SH2B2: variants seen among roughly 807,000 people sequenced by gnomAD.
SH2B2 encodes SH2B adapter protein 2.
In SH2B2, 37 loss-of-function variants were observed where a neutral mutation model predicts 35.7. The observed-to-expected ratio is 1.04, with a 90% CI of 0.80 to 1.36. SH2B2 has a LOEUF of 1.36. Among genes scored for constraint, SH2B2 ranks in the 40% most tolerant of loss-of-function variants. SH2B2 has a pLI of 0.00. For missense variants in SH2B2, 852 were observed against 817.7 expected, an observed-to-expected ratio of 1.04 and a Z score of -0.51; for synonymous variants, 383 against 376.4, an observed-to-expected ratio of 1.02 and a Z score of -0.20.
Position 102,314,616 on chromosome 7 carries a change from C to T in SH2B2, c.1120C>T (p.Pro374Ser). The T allele has an allele frequency of 2.5e-6, 1 of 398,658 alleles. No homozygotes were observed. The allele number at this position is 398,658 out of a possible 1,614,324, so 24.7% of individuals were successfully genotyped here. The change falls in exon 6 of 9, where the codon CCG (proline) becomes TCG (serine). Residue 374 changes from proline to serine, a missense_variant. Physicochemically the swap from Pro to Ser is moderately conservative, Grantham distance 74. Around this residue, in one of 3 missense-constraint regions of SH2B2, gnomAD observed 556 missense variants for 514.5 expected, o/e 1.08. Coordinates refer to ENST00000444095, the MANE Select transcript of SH2B2 (RefSeq NM_001359228.2). ...CGTCAGAGAATCCCTGATCCACGTCCCGCTAGAGACCTTTCTGCAGACCCT... is the reference window on the plus strand; with the variant it reads ...CGTCAGAGAATCCCTGATCCACGTCTCGCTAGAGACCTTTCTGCAGACCCT... The part of the protein sequence containing the change: ...DAVRESLIHV[P>S]LETFLQTLES...
chr7:102,317,463 C>T lies in SH2B2; in HGVS notation c.1395+68C>T, dbSNP rs191801742. 221 of 1,375,480 alleles carry T rather than the reference C, an allele frequency of 1.6e-4. No individual in the cohort carries two copies. The African/African-American group carries it at 1.7e-3, about 10-fold the overall frequency. The allele number at this position is 1,375,480 out of a possible 1,614,324, so 85.2% of individuals were successfully genotyped here. A position where few individuals can be genotyped will look rare whatever the true frequency, so the allele number is the denominator to read the frequency against. Reference sequence around the variant, plus strand: ...TGAGGGAGAGGGGTCATGGTGACCCCGGTCCTGAGGCTGTGCCCTGGAAGC... The same window carrying T: ...TGAGGGAGAGGGGTCATGGTGACCCTGGTCCTGAGGCTGTGCCCTGGAAGC... On this transcript the variant is annotated intron_variant, in intron 7 of 8. Transcript: ENST00000444095.
intron 4 of SH2B2, among the ~76,000 whole-genome samples, chr7:102,311,577 T>A (rs1192727515): frequency 0.63 from 86,073 of 135,758 alleles, 27,177 homozygotes; most frequent in East Asian, 0.68. Context: ...TTTTTTTTTT[T>A]AGAGACGGGA....
Position 102,321,377 on chromosome 7 carries a change from G to A in SH2B2, c.1646G>A (p.Ser549Asn), listed in dbSNP as rs1554558503. 4 of 1,398,348 alleles carry A rather than the reference G, an allele frequency of 2.9e-6. No homozygotes were observed. The highest frequency in any genetic ancestry group is 1.5e-5 in the South Asian group (1 of 67,970). 86.6% of individuals were successfully genotyped at this position (1,398,348 alleles called of 1,614,324 possible). The stretch of plus-strand genomic sequence containing the variant: ...TCGCCCGGCCAGCACTACTTCTCCA[G>A]CCTCGCCGCGGCCGCCTGCCCGCCT... ...SDSPGQHYFSSLAAAACPPAS... is the reference protein window; with the variant it reads ...SDSPGQHYFSNLAAAACPPAS... The change falls in exon 9 of 9, where the codon AGC (serine) becomes AAC (asparagine). Residue 549 changes from serine (S) to asparagine (N), a missense_variant. This residue lies in a region of SH2B2 where 556 missense variants were observed against 514.5 expected (regional missense o/e 1.08). Coordinates refer to ENST00000444095, the MANE Select transcript of SH2B2 (RefSeq NM_001359228.2).
intron 1 of SH2B2, among the ~76,000 whole-genome samples, chr7:102,292,424 G>A (rs2242579): frequency 0.17 from 25,916 of 151,696 alleles, 2,394 homozygotes; most frequent in African/African-American, 0.25. Flanking sequence ...CCAGCTACTC[G>A]GGAGGCTGAG....
At chr7:102,320,936 T>G (rs1344114707) in intron 8 of SH2B2, among the ~76,000 whole-genome samples, 2 of 152,136 alleles carry the variant, frequency 1.3e-5, no homozygotes, top group Non-Finnish European at 2.9e-5. Flanking sequence ...TGAGTGTATG[T>G]GTGCATGTGC....
chr7:102,310,860 G>A (rs1315478404), intron 4 of SH2B2, among the ~76,000 whole-genome samples: 1 of 152,094 alleles, frequency 6.6e-6, no homozygotes, highest in African/African-American at 2.4e-5. Context: ...CACAAATCGG[G>A]AGAGAAACCT....
At chr7:102,287,566 G>T (rs1197787857) in intron 1 of SH2B2, among the ~76,000 whole-genome samples, 2 of 152,184 alleles carry the variant, frequency 1.3e-5, no homozygotes, top group East Asian at 3.9e-4. Flanking sequence ...CCACAGGCAC[G>T]CCCTCCCTTT....
rs782522258 is a variant in SH2B2 at position 102,300,872 on chromosome 7, A to G, written c.322A>G (p.Lys108Glu). The G allele has an allele frequency of 6.8e-7, 1 of 1,461,446 alleles. No homozygotes were observed. Among genetic ancestry groups the G allele is most frequent in the South Asian group, 1.4e-5 (1 of 72,766 alleles). The allele number at this position is 1,461,446 out of a possible 1,614,324, so 90.5% of individuals were successfully genotyped here. The change falls in exon 2 of 9, where the codon AAG becomes GAG. Residue 108 changes from lysine (K) to glutamate (E), a missense_variant. Around this residue, in one of 3 missense-constraint regions of SH2B2, gnomAD observed 294 missense variants for 286.6 expected, o/e 1.03. Transcript: ENST00000444095. Reference protein sequence around the residue: ...EPELADTSALKAAPYGHSRSS... With the variant: ...EPELADTSALEAAPYGHSRSS... Reference sequence around the variant, plus strand: ...GGAGCTCGCGGACACCTCTGCACTCAAGGCGGCGCCCTACGGCCACTCGCG... The same window carrying G: ...GGAGCTCGCGGACACCTCTGCACTCGAGGCGGCGCCCTACGGCCACTCGCG...
At chr7:102,299,448 C>T (rs1793062687) in intron 1 of SH2B2, among the ~76,000 whole-genome samples, 1 of 151,678 alleles carries the variant, frequency 6.6e-6, no homozygotes, top group African/African-American at 2.4e-5. Context: ...CCACCCGCCT[C>T]GGCCTCCCAA....
chr7:102,300,609 T>C lies in SH2B2; in HGVS notation c.59T>C (p.Val20Ala). 2 of 1,551,008 alleles carry C rather than the reference T, an allele frequency of 1.3e-6. No homozygotes were observed. Among genetic ancestry groups the C allele is most frequent in the Non-Finnish European group, 1.7e-6 (2 of 1,146,394 alleles). The change falls in exon 2 of 9, where the codon GTC (valine) becomes GCC (alanine). Residue 20 changes from valine (V) to alanine (A), a missense_variant. Val to Ala is a moderately conservative substitution (Grantham distance 64). Coordinates refer to ENST00000444095, the MANE Select transcript of SH2B2 (RefSeq NM_001359228.2). Reference protein sequence around the residue: ...AAAPVPVPVPVPDWRQFCELH... With the variant: ...AAAPVPVPVPAPDWRQFCELH... The stretch of plus-strand genomic sequence containing the variant: ...GCCCCGGTCCCAGTCCCGGTCCCGG[T>C]CCCGGACTGGCGGCAGTTCTGCGAG...
intron 1 of SH2B2, among the ~76,000 whole-genome samples, chr7:102,295,407 C>T (rs1189221148): frequency 6.6e-6 from 1 of 152,164 alleles, no homozygotes; most frequent in Admixed American, 6.5e-5. Context: ...TCAGCTGTGG[C>T]CCCACCCCCA....
intron 7 of SH2B2, 142 bp from the exon 8 acceptor site, chr7:102,320,189 G>T: frequency 1.6e-6 from 1 of 639,486 alleles, no homozygotes; most frequent in Non-Finnish European, 2.7e-6. Flanking sequence ...CTCCAGATGG[G>T]GCTCATGTGT....
chr7:102,318,700 AGTGGCTCAGTGCAGAACCTCTG>A (rs1297200352), intron 7 of SH2B2, among the ~76,000 whole-genome samples: 1 of 151,956 alleles, frequency 6.6e-6, no homozygotes, highest in Non-Finnish European at 1.5e-5. Flanking sequence ...CCTAACCCCT[AGTGGCTCAGTGCAGAACCTCTG>A]GTGGCTTCTC....
At chr7:102,299,477 A>G (rs536675572) in intron 1 of SH2B2, among the ~76,000 whole-genome samples, 1 of 152,052 alleles carries the variant, frequency 6.6e-6, no homozygotes, top group South Asian at 2.1e-4. Context: ...GATTACAGGC[A>G]TGCGCCACCG....
At chr7:102,317,513 TG>T (rs1563569125) in intron 7 of SH2B2, 118 bp downstream of exon 7, 9 of 973,022 alleles carry the variant, frequency 9.2e-6, no homozygotes, top group Non-Finnish European at 1.2e-5. Context: ...AGGTGTGGCA[TG>T]ACTTCCCACG....
At chr7:102,294,578 G>C (rs1554552289) in intron 1 of SH2B2, among the ~76,000 whole-genome samples, 1 of 152,150 alleles carries the variant, frequency 6.6e-6, no homozygotes, top group African/African-American at 2.4e-5. Context: ...ACTCACTCAG[G>C]GAGCACCCAC....
chr7:102,308,580 C>T (rs1793491106), intron 3 of SH2B2, among the ~76,000 whole-genome samples: 1 of 152,214 alleles, frequency 6.6e-6, no homozygotes, highest in African/African-American at 2.4e-5. Flanking sequence ...TGGGGTGGGA[C>T]ATATCCCCAG....
rs1307314151 is a variant in SH2B2 at position 102,300,846 on chromosome 7, C to T, written c.296C>T (p.Pro99Leu). The T allele has an allele frequency of 2.7e-6, 4 of 1,457,372 alleles. No individual in the cohort carries two copies. The highest frequency in any genetic ancestry group is 3.6e-6 in the Non-Finnish European group (4 of 1,104,208). The allele number at this position is 1,457,372 out of a possible 1,614,324, so 90.3% of individuals were successfully genotyped here. Residue 99 changes from proline (P) to leucine (L), a missense_variant, in exon 2 of 9, where the codon CCG becomes CTG. Around this residue, in one of 3 missense-constraint regions of SH2B2, gnomAD observed 294 missense variants for 286.6 expected, o/e 1.03. Coordinates refer to ENST00000444095, the MANE Select transcript of SH2B2 (RefSeq NM_001359228.2). ...GAAVSAEAMEPELADTSALKA... is the reference protein window; with the variant it reads ...GAAVSAEAMELELADTSALKA... ...GCCGTGAGCGCAGAGGCCATGGAGC[C>T]GGAGCTCGCGGACACCTCTGCACTC... is the stretch of plus-strand genomic sequence containing the variant.
At position 102,321,636 on chromosome 7, in the gene SH2B2, G is replaced by T; in HGVS notation, c.*6G>T. On this transcript the variant is annotated 3_prime_UTR_variant, in exon 9 of 9. Coordinates refer to ENST00000444095, the MANE Select transcript of SH2B2 (RefSeq NM_001359228.2). Reference sequence around the variant, plus strand: ...ACCAGTACTCCTTCTACTAGCCCGCGGCGCCGCCCGGGTGGGACACGCCAA... The same window carrying T: ...ACCAGTACTCCTTCTACTAGCCCGCTGCGCCGCCCGGGTGGGACACGCCAA... 1 of 1,139,452 alleles carries T rather than the reference G, an allele frequency of 8.8e-7. No individual in the cohort carries two copies. The highest frequency in any genetic ancestry group is 1.1e-6 in the Non-Finnish European group (1 of 927,226). The allele number at this position is 1,139,452 out of a possible 1,614,324, so 70.6% of individuals were successfully genotyped here.
Sources: allele counts gnomAD v4.1 joint callset (sites outside exome capture counted in the v4.1 genomes callset), GRCh38; gene constraint gnomAD v4.1.1; regional missense constraint gnomAD v4.1.1; transcripts MANE v1.5; gene names NCBI Gene and HGNC (gene_info 2026-07-23, HGNC 2026-07-21).